The following ZNF267 variants were observed in gnomAD, a reference collection of about 807,000 sequenced individuals.
The protein encoded by ZNF267 is zinc finger (C2H2).
Under a neutral mutation model 71.6 loss-of-function variants are expected in ZNF267, and 61 were observed. The observed-to-expected ratio is 0.85, with a 90% CI of 0.69 to 1.05. The LOEUF (loss-of-function observed/expected upper bound fraction) is 1.05, where lower values mean the gene tolerates loss of function less well. Ranked by LOEUF, ZNF267 falls within the 50% of genes least tolerant of loss-of-function variation. The probability of loss-of-function intolerance (pLI) is 0.00; values close to 1 mark genes in which losing one functional copy is unlikely to be tolerated. For synonymous variants in ZNF267, 288 were observed against 293.2 expected, an observed-to-expected ratio of 0.98 and a Z score of 0.18; for missense variants, 852 against 870.0, an observed-to-expected ratio of 0.98 and a Z score of 0.26.
At position 31,916,710 on chromosome 16, in the gene ZNF267, A is replaced by G. The variant is rs2084181292; in HGVS notation, c.*229A>G. 9.9e-6 allele frequency: 5 copies of G among 506,732 alleles called. No individual in the cohort carries two copies. The South Asian group carries it at 1.2e-4, about 12-fold the overall frequency. The allele number at this position is 506,732 out of a possible 1,614,324, so 31.4% of individuals were successfully genotyped here. On this transcript the variant is annotated 3_prime_UTR_variant, in exon 4 of 4. Coordinates refer to ENST00000300870, the MANE Select transcript of ZNF267 (RefSeq NM_003414.6). ...TCAACCCTTACTCAAGATAATCCAT[A>G]CTAGAGAAACACTATAGATGTAAAA...
chr16:31,897,153 AAAAC>A (rs1380673925), intron 3 of ZNF267, among the ~76,000 whole-genome samples: 6 of 138,582 alleles, frequency 4.3e-5, no homozygotes, highest in East Asian at 4.5e-4. Flanking sequence ...AAAACAAAAC[AAAAC>A]AAAAAAAACC....
intron 3 of ZNF267, among the ~76,000 whole-genome samples, chr16:31,911,507 G>A (rs1485441000): frequency 2.6e-5 from 4 of 151,020 alleles, no homozygotes; most frequent in Non-Finnish European, 4.4e-5. Context: ...GTTTTCATTG[G>A]CATGGAACAT....
chr16:31,893,317 G>A (rs2083974260), intron 3 of ZNF267, among the ~76,000 whole-genome samples: 1 of 152,244 alleles, frequency 6.6e-6, no homozygotes, highest in African/African-American at 2.4e-5. Flanking sequence ...CCTGACCCAG[G>A]AAACCACCTT....
intron 1 of ZNF267, among the ~76,000 whole-genome samples, chr16:31,874,719 C>T (rs1485480336): frequency 1.3e-5 from 2 of 152,208 alleles, no homozygotes; most frequent in African/African-American, 2.4e-5. Context: ...ATCATCTTAA[C>T]ACTGCCCAGG....
rs563245497 is a variant in ZNF267 at position 31,876,877 on chromosome 16, C to G, written c.3+2908C>G. Among the ~76,000 whole-genome samples the G allele has an allele frequency of 7.2e-5, 11 of 152,254 alleles. No homozygotes were observed. The South Asian group carries it at 2.3e-3, about 32-fold the overall frequency. On this transcript the variant is annotated intron_variant, in intron 1 of 3. Transcript: ENST00000300870. ...CCAGTTAGTTCTTCCAGGGGAGTTT[C>G]CCCTGCAGGTTTCCCAGCCTGCTCA...
Position 31,873,970 on chromosome 16 carries a change from G to C in ZNF267, c.3+1G>C. 1 of 1,613,510 alleles carries C rather than the reference G, an allele frequency of 6.2e-7. No individual in the cohort carries two copies. The highest frequency in any genetic ancestry group is 1.1e-5 in the South Asian group (1 of 91,022). On this transcript the variant is annotated splice_donor_variant, in intron 1 of 3. Coordinates refer to ENST00000300870, the MANE Select transcript of ZNF267 (RefSeq NM_003414.6). LOFTEE classifies it high-confidence loss of function. Reference sequence around the variant, plus strand: ...AGGGCATCCCGGAAGCTGGGAAATGGTGAGTGTGCGGGGTCGGGGGTCCCC... The same window carrying C: ...AGGGCATCCCGGAAGCTGGGAAATGCTGAGTGTGCGGGGTCGGGGGTCCCC...
intron 3 of ZNF267, among the ~76,000 whole-genome samples, chr16:31,898,811 A>G (rs1243524304): frequency 6.6e-6 from 1 of 152,020 alleles, no homozygotes; most frequent in Non-Finnish European, 1.5e-5. Context: ...TTGTCTTTTC[A>G]CACACATAGG....
chr16:31,890,801 C>A (rs1418183169), intron 3 of ZNF267, among the ~76,000 whole-genome samples: 2 of 152,232 alleles, frequency 1.3e-5, no homozygotes, highest in Non-Finnish European at 2.9e-5. Context: ...GACATTAATT[C>A]ATGAGGGCAG....
At chr16:31,886,189 A>T (rs2083923021) in intron 3 of ZNF267, among the ~76,000 whole-genome samples, 1 of 152,210 alleles carries the variant, frequency 6.6e-6, no homozygotes, top group African/African-American at 2.4e-5. Flanking sequence ...TTGTGTAATG[A>T]CTAACACAGC....
Position 31,915,440 on chromosome 16 carries a change from G to C in ZNF267, c.1191G>C (p.Val397=). The C allele has an allele frequency of 6.2e-7, 1 of 1,613,822 alleles. No homozygotes were observed. Among genetic ancestry groups the C allele is most frequent in the Non-Finnish European group, 8.5e-7 (1 of 1,179,908 alleles). The change falls in exon 4 of 4, where the codon GTG becomes GTC. Residue 397 remains valine (V), a synonymous_variant. Coordinates refer to ENST00000300870, the MANE Select transcript of ZNF267 (RefSeq NM_003414.6). Reference sequence around the variant, plus strand: ...TTACTCGTTCCTCCAATCTTATTGTGCATCAGAGAATTCACACTGGAGAGA... The same window carrying C: ...TTACTCGTTCCTCCAATCTTATTGTCCATCAGAGAATTCACACTGGAGAGA... ...KSFTRSSNLI[V]HQRIHTGEKP...
In ZNF267 at chr16:31,909,120, C is replaced by CTTTTTT. The variant is rs34409182; in HGVS notation, c.227-5335_227-5330dup. Among the ~76,000 whole-genome samples the CTTTTTT allele has an allele frequency of 1.1e-3, 51 of 45,334 alleles. 2 individuals carry two copies. Among genetic ancestry groups the CTTTTTT allele is most frequent in the African/African-American group, 3.9e-3 (45 of 11,660 alleles). The allele number at this position is 45,334 out of a possible 152,430, so 29.7% of individuals were successfully genotyped here. A position where few individuals can be genotyped will look rare whatever the true frequency, so the allele number is the denominator to read the frequency against. ...TTCTATCTTCTATTTCTTTTCTTTT[C>CTTTTTT]TTTTTTTTTTTTTTTTTTTTTTTTT... On this transcript the variant is annotated intron_variant, in intron 3 of 3. Transcript: ENST00000300870.
intron 3 of ZNF267, chr16:31,912,500 A>G (rs990559632): frequency 1.3e-5 from 2 of 151,516 alleles, no homozygotes; most frequent in African/African-American, 4.9e-5. Flanking sequence ...TTTGATTATT[A>G]AATGTCTTGA....
At chr16:31,906,380 G>T (rs549003361) in intron 3 of ZNF267, among the ~76,000 whole-genome samples, 135 of 152,322 alleles carry the variant, frequency 8.9e-4, no homozygotes, top group African/African-American at 2.9e-3. Context: ...CAGAGGTGGA[G>T]TCTACGGAGG....
rs1354781993 is a variant in ZNF267 at position 31,880,925 on chromosome 16, T to A, written c.4-3573T>A. 3.3e-5 allele frequency among the ~76,000 whole-genome samples: 5 copies of A among 152,304 alleles called. No individual in the cohort carries two copies. In the East Asian group the frequency reaches 9.7e-4, roughly 29 times the overall value. Reference sequence around the variant, plus strand: ...TCAGTCTAAAGCAGACGGATAATGGTTGAATTCAACATCATGTGGTCAGGA... The same window carrying A: ...TCAGTCTAAAGCAGACGGATAATGGATGAATTCAACATCATGTGGTCAGGA... On this transcript the variant is annotated intron_variant, in intron 1 of 3. Coordinates refer to ENST00000300870, the MANE Select transcript of ZNF267 (RefSeq NM_003414.6).
chr16:31,906,616 GC>G (rs1386380480), intron 3 of ZNF267, among the ~76,000 whole-genome samples: 3 of 152,178 alleles, frequency 2.0e-5, no homozygotes, highest in Admixed American at 6.5e-5. Context: ...CGTTTGTTAA[GC>G]CTATTGGAAA....
Position 31,882,566 on chromosome 16 carries a change from G to A in ZNF267, c.4-1932G>A, listed in dbSNP as rs556185812. Among the ~76,000 whole-genome samples, 5 of 152,170 alleles carry A rather than the reference G, an allele frequency of 3.3e-5. No individual in the cohort carries two copies. The East Asian group carries it at 9.6e-4, about 29-fold the overall frequency. On this transcript the variant is annotated intron_variant, in intron 1 of 3. Coordinates refer to ENST00000300870, the MANE Select transcript of ZNF267 (RefSeq NM_003414.6). ...CCAGAATACCAAATGATATGTATGC[G>A]TATTGAACCTTGAGAGGCAATGCTT...
In ZNF267 at chr16:31,917,062, G is replaced by A. The variant is rs1195301293; in HGVS notation, c.*581G>A. 1.3e-5 allele frequency: 2 copies of A among 152,256 alleles called. No individual in the cohort carries two copies. The highest frequency in any genetic ancestry group is 1.5e-5 in the Non-Finnish European group (1 of 68,164). 9.4% of individuals were successfully genotyped at this position (152,256 alleles called of 1,614,324 possible). ...TGTATTTACAGTATTTGAGGTTTTT[G>A]GAAAGCAAATATTATTTATATAATT... is the stretch of plus-strand genomic sequence containing the variant. On this transcript the variant is annotated 3_prime_UTR_variant, in exon 4 of 4. Coordinates refer to ENST00000300870, the MANE Select transcript of ZNF267 (RefSeq NM_003414.6).
At chr16:31,898,437 G>C (rs1038145248) in intron 3 of ZNF267, among the ~76,000 whole-genome samples, 1 of 151,462 alleles carries the variant, frequency 6.6e-6, no homozygotes, top group Non-Finnish European at 1.5e-5. Context: ...TTTTTTTTAT[G>C]TACAAAGTAA....
Position 31,873,840 on chromosome 16 carries a change from A to G in ZNF267, c.-127A>G, listed in dbSNP as rs1441544413. 18 of 1,333,240 alleles carry G rather than the reference A, an allele frequency of 1.4e-5. No individual in the cohort carries two copies. Among genetic ancestry groups the G allele is most frequent in the South Asian group, 8.4e-5 (7 of 83,692 alleles). 82.6% of individuals were successfully genotyped at this position (1,333,240 alleles called of 1,614,324 possible). A position where few individuals can be genotyped will look rare whatever the true frequency, so the allele number is the denominator to read the frequency against. On this transcript the variant is annotated 5_prime_UTR_variant, in exon 1 of 4. Transcript: ENST00000300870. ...CTCGGGTCTCCTCGCCACAGCTCCG[A>G]GTCTTTCGTTCTGGGAGGCCCAGGC...
Sources: gnomAD v4.1 joint callset for allele counts (sites outside exome capture counted in the v4.1 genomes callset) on GRCh38, gnomAD v4.1.1 for gene constraint, MANE v1.5 for transcripts, NCBI Gene and HGNC (gene_info 2026-07-23, HGNC 2026-07-21) for gene names.